The following ZNF385B variants were observed in gnomAD, a reference collection of about 807,000 sequenced individuals.
The protein encoded by ZNF385B is zinc finger protein 533.
In ZNF385B, 23 loss-of-function variants were observed where a neutral mutation model predicts 39.2. The observed-to-expected ratio is 0.59, with a 90% CI of 0.42 to 0.83. The LOEUF (loss-of-function observed/expected upper bound fraction) is 0.83. ZNF385B is among the 40% of genes least tolerant of loss of function. ZNF385B has a pLI of 0.00. For synonymous variants in ZNF385B, 205 were observed against 222.6 expected, an observed-to-expected ratio of 0.92 and a Z score of 0.70; for missense variants, 552 against 598.9, an observed-to-expected ratio of 0.92 and a Z score of 0.82.
At chr2:179,538,200 G>A (rs987650553) in intron 4 of ZNF385B, among the ~76,000 whole-genome samples, 6 of 152,024 alleles carry the variant, frequency 3.9e-5, no homozygotes, top group Admixed American at 3.3e-4. Context: ...ATGACAGCAA[G>A]CACTATTAGA....
chr2:179,635,225 T>A (rs922708515), intron 3 of ZNF385B, among the ~76,000 whole-genome samples: 1 of 151,976 alleles, frequency 6.6e-6, no homozygotes, highest in Non-Finnish European at 1.5e-5. Flanking sequence ...CGAGTTCATG[T>A]CCTTTACAGG....
chr2:179,671,681 G>A (rs1417477369), intron 3 of ZNF385B, among the ~76,000 whole-genome samples: 5 of 152,188 alleles, frequency 3.3e-5, no homozygotes, highest in African/African-American at 7.2e-5. Flanking sequence ...AAACTTCATT[G>A]TAGCCCTGTT....
At chr2:179,854,191 A>G (rs1400120598) in intron 1 of ZNF385B, among the ~76,000 whole-genome samples, 1 of 152,070 alleles carries the variant, frequency 6.6e-6, no homozygotes, top group Non-Finnish European at 1.5e-5. Flanking sequence ...CAAAGTATCA[A>G]ATCTAAGGAA....
chr2:179,566,663 T>G (rs77248596), intron 3 of ZNF385B, among the ~76,000 whole-genome samples: 18 of 152,318 alleles, frequency 1.2e-4, no homozygotes, highest in Non-Finnish European at 1.0e-4. Context: ...GTCCACATAT[T>G]TGAATTTTTA....
At chr2:179,609,576 CT>C (rs1046353193) in intron 3 of ZNF385B, among the ~76,000 whole-genome samples, 2 of 152,276 alleles carry the variant, frequency 1.3e-5, no homozygotes, top group African/African-American at 4.8e-5. Context: ...GATTTCCTTT[CT>C]TTTGGTTATA....
intron 1 of ZNF385B, among the ~76,000 whole-genome samples, chr2:179,801,845 G>A (rs995565638): frequency 2.0e-5 from 3 of 152,072 alleles, no homozygotes; most frequent in Non-Finnish European, 4.4e-5. Flanking sequence ...ATGTCTGACA[G>A]AAACAAAGGG....
intron 3 of ZNF385B, among the ~76,000 whole-genome samples, chr2:179,572,076 T>C (rs975631277): frequency 6.6e-6 from 1 of 152,004 alleles, no homozygotes; most frequent in Admixed American, 6.6e-5. Flanking sequence ...AGGTTGGCAG[T>C]GAGGACTAGG....
intron 3 of ZNF385B, among the ~76,000 whole-genome samples, chr2:179,700,964 G>T (rs1418067833): frequency 6.6e-6 from 1 of 152,212 alleles, no homozygotes; most frequent in African/African-American, 2.4e-5. Flanking sequence ...AGTGAGCCGA[G>T]ATCGTGCCAC....
intron 1 of ZNF385B, among the ~76,000 whole-genome samples, chr2:179,834,688 C>T (rs1213633191): frequency 1.3e-5 from 2 of 152,040 alleles, no homozygotes; most frequent in Non-Finnish European, 2.9e-5. Flanking sequence ...AGGTGAAAGG[C>T]TATTAGAAAA....
rs1467027664 is a variant in ZNF385B at position 179,710,764 on chromosome 2, G to A, written c.298+58739C>T. Among the ~76,000 whole-genome samples the A allele has an allele frequency of 6.6e-5, 10 of 152,112 alleles. No homozygotes were observed. In the East Asian group the frequency reaches 1.2e-3, roughly 18 times the overall value. On this transcript the variant is annotated intron_variant, in intron 3 of 9. Coordinates refer to ENST00000410066, the MANE Select transcript of ZNF385B (RefSeq NM_152520.6). Reference sequence around the variant, plus strand: ...GTGGTGTGCAGCAAACCTCTTCACCGACTGAGCACAGATGCTGGTCTCTCC... The same window carrying A: ...GTGGTGTGCAGCAAACCTCTTCACCAACTGAGCACAGATGCTGGTCTCTCC...
intron 3 of ZNF385B, among the ~76,000 whole-genome samples, chr2:179,564,770 A>G (rs1684360746): frequency 6.6e-6 from 1 of 152,028 alleles, no homozygotes. Context: ...CAACTTTTGT[A>G]TTTCTAACCT....
chr2:179,845,458 T>C (rs1489048061), intron 1 of ZNF385B, among the ~76,000 whole-genome samples: 1 of 152,184 alleles, frequency 6.6e-6, no homozygotes, highest in African/African-American at 2.4e-5. Context: ...AGTACAAAAA[T>C]GTCATTCTAC....
intron 3 of ZNF385B, among the ~76,000 whole-genome samples, chr2:179,667,132 C>G (rs1695268361): frequency 6.6e-6 from 1 of 152,086 alleles, no homozygotes; most frequent in South Asian, 2.1e-4. Flanking sequence ...CCTCTTCCCC[C>G]CACCAAAAGG....
At chr2:179,493,790 T>TATATGCATATATGG in intron 5 of ZNF385B, among the ~76,000 whole-genome samples, 2 of 143,832 alleles carry the variant, frequency 1.4e-5, no homozygotes, top group South Asian at 2.1e-4. Context: ...TACACATATG[T>TATATGCATATATGG]ATACATATAT....
chr2:179,617,345 G>A (rs776651993), intron 3 of ZNF385B, among the ~76,000 whole-genome samples: 85 of 152,264 alleles, frequency 5.6e-4, no homozygotes, highest in Non-Finnish European at 9.6e-4. Flanking sequence ...GCACAGCTAC[G>A]CCTTTCTTTT....
At chr2:179,840,659 T>C (rs1708490072) in intron 1 of ZNF385B, among the ~76,000 whole-genome samples, 1 of 152,206 alleles carries the variant, frequency 6.6e-6, no homozygotes, top group African/African-American at 2.4e-5. Context: ...GAAGTTTCTG[T>C]ATTTATTTTT....
chr2:179,551,848 C>T (rs939119851), intron 3 of ZNF385B, among the ~76,000 whole-genome samples: 3 of 152,018 alleles, frequency 2.0e-5, no homozygotes, highest in African/African-American at 2.4e-5. Context: ...CAGACAGAGT[C>T]CAGGTCTCAC....
chr2:179,455,733 C>CA (rs34039086), intron 6 of ZNF385B, among the ~76,000 whole-genome samples: 10 of 150,690 alleles, frequency 6.6e-5, no homozygotes, highest in Admixed American at 2.6e-4. Flanking sequence ...ACCAAAAATA[C>CA]AAAAAAAAAT....
At chr2:179,655,540 G>A (rs909927955) in intron 3 of ZNF385B, among the ~76,000 whole-genome samples, 6 of 150,448 alleles carry the variant, frequency 4.0e-5, no homozygotes. Context: ...GGTTTTAAGA[G>A]CAAATCACAA....
Sources: gnomAD v4.1 joint callset for allele counts (sites outside exome capture counted in the v4.1 genomes callset) on GRCh38, gnomAD v4.1.1 for gene constraint, MANE v1.5 for transcripts, NCBI Gene and HGNC (gene_info 2026-07-23, HGNC 2026-07-21) for gene names.